The following GRM7 variants were observed in gnomAD, a reference collection of about 807,000 sequenced individuals.
The protein encoded by GRM7 is glutamate metabotropic receptor 7, also known as metabotropic glutamate receptor 7.
Under a neutral mutation model 84.5 loss-of-function variants are expected in GRM7, and 35 were observed. The ratio of observed to expected loss-of-function variants is 0.41; its 90% CI spans 0.32 to 0.55. GRM7 has a LOEUF of 0.55. Ranked by LOEUF, GRM7 falls within the 20% of genes least tolerant of loss-of-function variation. The probability of loss-of-function intolerance (pLI) is 0.19; values close to 1 mark genes in which losing one functional copy is unlikely to be tolerated. For synonymous variants in GRM7, 487 were observed against 455.1 expected (o/e 1.07, Z -0.89); for missense variants, 1,003 against 1,194.6 (o/e 0.84, Z 2.36).
At chr3:7,374,997 T>C (rs1206266689) in intron 4 of GRM7, among the ~76,000 whole-genome samples, 1 of 152,180 alleles carries the variant, frequency 6.6e-6, no homozygotes, top group Non-Finnish European at 1.5e-5. Flanking sequence ...TTTATTTCCT[T>C]TTCTTCACCC....
intron 1 of GRM7, among the ~76,000 whole-genome samples, chr3:6,949,284 G>C (rs1430631997): frequency 6.6e-6 from 1 of 152,152 alleles, no homozygotes; most frequent in Non-Finnish European, 1.5e-5. Context: ...TTGCTTGTCT[G>C]TAAAGTATTT....
chr3:6,873,567 G>A (rs1695202437), intron 1 of GRM7, among the ~76,000 whole-genome samples: 1 of 152,158 alleles, frequency 6.6e-6, no homozygotes, highest in East Asian at 1.9e-4. Flanking sequence ...CCTGTTTTCA[G>A]TGTTAAATGA....
At chr3:7,658,491 T>C (rs932826838) in intron 8 of GRM7, among the ~76,000 whole-genome samples, 3 of 152,180 alleles carry the variant, frequency 2.0e-5, no homozygotes, top group Admixed American at 1.3e-4. Flanking sequence ...CTCTGACATT[T>C]AATGAAAGCT....
chr3:7,332,098 G>A (rs1352225073), intron 4 of GRM7, among the ~76,000 whole-genome samples: 1 of 152,094 alleles, frequency 6.6e-6, no homozygotes, highest in Non-Finnish European at 1.5e-5. Context: ...CATCCTTGCA[G>A]CACTAAGTAA....
chr3:6,888,702 C>T (rs1456173844), intron 1 of GRM7, among the ~76,000 whole-genome samples: 3 of 152,058 alleles, frequency 2.0e-5, no homozygotes, highest in Non-Finnish European at 4.4e-5. Flanking sequence ...TTAGGATTGA[C>T]TTGGCGATGC....
intron 7 of GRM7, among the ~76,000 whole-genome samples, chr3:7,489,213 C>A (rs529768596): frequency 6.6e-6 from 1 of 152,264 alleles, no homozygotes; most frequent in Non-Finnish European, 1.5e-5. Flanking sequence ...ATACACACAT[C>A]AGAAGAAAAG....
chr3:7,476,425 T>TA (rs1420149056), intron 7 of GRM7, among the ~76,000 whole-genome samples: 4 of 152,096 alleles, frequency 2.6e-5, no homozygotes, highest in Admixed American at 6.5e-5. Flanking sequence ...CAAGCGCCTG[T>TA]AGTCTTAGCT....
intron 1 of GRM7, among the ~76,000 whole-genome samples, chr3:7,130,584 C>A (rs62237660): frequency 0.18 from 27,404 of 149,890 alleles, 3,209 homozygotes; most frequent in Non-Finnish European, 0.25. Flanking sequence ...ATTAATGGCC[C>A]ATGGAGAGGA....
At chr3:7,550,563 CTCTCTCTCTCTCTCTG>C (rs1252030074) in intron 7 of GRM7, among the ~76,000 whole-genome samples, 1 of 95,010 alleles carries the variant, frequency 1.1e-5, no homozygotes, top group East Asian at 2.8e-4. Flanking sequence ...CTCTCTCTCT[CTCTCTCTCTCTCTCTG>C]TGTGTGTGTG....
intron 1 of GRM7, among the ~76,000 whole-genome samples, chr3:6,974,456 G>A (rs1281160398): frequency 6.6e-6 from 1 of 152,180 alleles, no homozygotes; most frequent in Non-Finnish European, 1.5e-5. Context: ...GATTATCAAG[G>A]GAGTGAGTCT....
chr3:7,503,815 A>G (rs1241564982), intron 7 of GRM7, among the ~76,000 whole-genome samples: 1 of 152,196 alleles, frequency 6.6e-6, no homozygotes, highest in African/African-American at 2.4e-5. Context: ...GACGAGATAT[A>G]TAAAGATTTT....
At chr3:7,359,092 A>AC (rs1693542995) in intron 4 of GRM7, among the ~76,000 whole-genome samples, 1 of 139,798 alleles carries the variant, frequency 7.2e-6, no homozygotes, top group Non-Finnish European at 1.5e-5. Flanking sequence ...AGCCTGAGTG[A>AC]TAGAGTGAGA....
chr3:7,667,954 C>G (rs922298059), intron 8 of GRM7, among the ~76,000 whole-genome samples: 8 of 151,896 alleles, frequency 5.3e-5, no homozygotes, highest in Admixed American at 2.6e-4. Flanking sequence ...CAATTAGGTG[C>G]TAACCTGGGT....
chr3:7,657,881 C>T (rs1699273500), intron 8 of GRM7, among the ~76,000 whole-genome samples: 1 of 152,130 alleles, frequency 6.6e-6, no homozygotes, highest in South Asian at 2.1e-4. Context: ...ATATACTGAC[C>T]AGGCTGGCAG....
intron 2 of GRM7, among the ~76,000 whole-genome samples, chr3:7,206,086 T>C (rs1053055181): frequency 2.6e-5 from 4 of 152,142 alleles, no homozygotes; most frequent in African/African-American, 9.7e-5. Flanking sequence ...TGTGTTGTGG[T>C]AAGCGGGGAT....
At chr3:7,407,012 AAG>A (rs1695710272) in intron 4 of GRM7, among the ~76,000 whole-genome samples, 1 of 152,198 alleles carries the variant, frequency 6.6e-6, no homozygotes, top group South Asian at 2.1e-4. Context: ...GTAGAAAGGC[AAG>A]AGATTAGAAA....
At chr3:6,961,659 A>G (rs538290712) in intron 1 of GRM7, among the ~76,000 whole-genome samples, 1 of 152,276 alleles carries the variant, frequency 6.6e-6, no homozygotes, top group East Asian at 1.9e-4. Flanking sequence ...GCATAGACAC[A>G]ATCAAAAGAA....
intron 1 of GRM7, among the ~76,000 whole-genome samples, chr3:7,137,798 C>G (rs959925487): frequency 6.6e-6 from 1 of 151,924 alleles, no homozygotes; most frequent in Non-Finnish European, 1.5e-5. Flanking sequence ...TTCATTGGAA[C>G]GTCATTAAGA....
intron 7 of GRM7, among the ~76,000 whole-genome samples, chr3:7,548,592 A>T (rs935256041): frequency 3.9e-5 from 6 of 152,220 alleles, no homozygotes; most frequent in African/African-American, 1.4e-4. Context: ...AAATAGGAAA[A>T]ATGTGTTTTC....
Sources: gnomAD v4.1 joint callset for allele counts (sites outside exome capture counted in the v4.1 genomes callset) on GRCh38, gnomAD v4.1.1 for gene constraint, MANE v1.5 for transcripts, NCBI Gene and HGNC (gene_info 2026-07-23, HGNC 2026-07-21) for gene names.